Variants in LOC400499 observed in about 807,000 individuals in gnomAD.
At chr16:11,426,293 A>G in the LOC400499 span, among the ~76,000 whole-genome samples, 4 of 152,264 alleles carry the variant, frequency 2.6e-5, no homozygotes, top group South Asian at 2.1e-4. Flanking sequence ...AAAATTAGCC[A>G]GGTGTGGTGG....
At chr16:11,429,729 C>T in the LOC400499 span, among the ~76,000 whole-genome samples, 2 of 152,038 alleles carry the variant, frequency 1.3e-5, no homozygotes, top group African/African-American at 4.8e-5. Context: ...CCGCCTCAGC[C>T]TCCCAAAGTG....
At chr16:11,490,625 C>T in the LOC400499 span, among the ~76,000 whole-genome samples, 37 of 152,136 alleles carry the variant, frequency 2.4e-4, no homozygotes, top group African/African-American at 8.4e-4. Context: ...GGCATGAACC[C>T]GGGAGGCAGA....
the LOC400499 span, among the ~76,000 whole-genome samples, chr16:11,432,875 G>C: frequency 6.6e-6 from 1 of 152,222 alleles, no homozygotes; most frequent in Admixed American, 6.5e-5. Context: ...CTTCAGCTGA[G>C]CTCTAAATAA....
chr16:11,494,949 C>G, the LOC400499 span, among the ~76,000 whole-genome samples: 1 of 152,194 alleles, frequency 6.6e-6, no homozygotes, highest in African/African-American at 2.4e-5. Context: ...TGGCTCATGC[C>G]TGTAATCCCA....
chr16:11,428,085 G>A, the LOC400499 span, among the ~76,000 whole-genome samples: 465 of 152,310 alleles, frequency 3.1e-3, 5 homozygotes, highest in African/African-American at 0.011. Context: ...TCCAGACAGA[G>A]CAGCCCTGAG....
At chr16:11,477,559 A>G in the LOC400499 span, among the ~76,000 whole-genome samples, 1 of 152,220 alleles carries the variant, frequency 6.6e-6, no homozygotes, top group Non-Finnish European at 1.5e-5. Flanking sequence ...GGTGGGGTGG[A>G]TGGAAGGGCA....
chr16:11,512,055 G>A, the LOC400499 span, among the ~76,000 whole-genome samples: 3 of 151,992 alleles, frequency 2.0e-5, no homozygotes, highest in East Asian at 1.9e-4. Context: ...TTGGGAGGCC[G>A]AGGTGGGCGG....
chr16:11,434,577 T>A, the LOC400499 span, among the ~76,000 whole-genome samples: 1 of 152,196 alleles, frequency 6.6e-6, no homozygotes, highest in African/African-American at 2.4e-5. Flanking sequence ...AAAGACCCCC[T>A]GTTCCTGGCC....
the LOC400499 span, among the ~76,000 whole-genome samples, chr16:11,418,915 C>T: frequency 0.15 from 23,174 of 152,192 alleles, 2,338 homozygotes; most frequent in African/African-American, 0.29. Flanking sequence ...CCTGGAATCC[C>T]GGCACTTTGG....
chr16:11,499,063 GGGA>G, the LOC400499 span, among the ~76,000 whole-genome samples: 1 of 94,424 alleles, frequency 1.1e-5, no homozygotes, highest in African/African-American at 4.3e-5. Context: ...GAGGAAGGGG[GGGA>G]GGGGGGAAGG....
the LOC400499 span, chr16:11,385,208 C>A: frequency 1.6e-6 from 2 of 1,232,108 alleles, no homozygotes; most frequent in South Asian, 8.2e-5. Flanking sequence ...CTCTCCTGCT[C>A]ACCTGCAGAC....
the LOC400499 span, among the ~76,000 whole-genome samples, chr16:11,426,396 T>C: frequency 5.3e-5 from 8 of 152,072 alleles, no homozygotes; most frequent in East Asian, 1.9e-4. Context: ...TGAGCAGAGA[T>C]TGCACCACTG....
At chr16:11,513,839 T>C in the LOC400499 span, among the ~76,000 whole-genome samples, 1 of 152,154 alleles carries the variant, frequency 6.6e-6, no homozygotes, top group Non-Finnish European at 1.5e-5. Context: ...TGGCCCACAG[T>C]AAATCCTTCC....
chr16:11,390,959 C>T, the LOC400499 span, among the ~76,000 whole-genome samples: 2 of 152,186 alleles, frequency 1.3e-5, no homozygotes, highest in Non-Finnish European at 2.9e-5. Context: ...GGGCACTGGC[C>T]CTGGTTCTCC....
chr16:11,472,059 G>A, the LOC400499 span: 187 of 375,022 alleles, frequency 5.0e-4, no homozygotes, highest in African/African-American at 3.5e-3. Flanking sequence ...ATTATGGGAT[G>A]TTTCGCTGAA....
the LOC400499 span, chr16:11,516,372 AG>A: frequency 1.0e-4 from 40 of 398,778 alleles, no homozygotes; most frequent in East Asian, 1.2e-3. Flanking sequence ...GCAGACTGCC[AG>A]AGGCCACAGC....
chr16:11,504,557 C>T, the LOC400499 span, among the ~76,000 whole-genome samples: 10 of 150,990 alleles, frequency 6.6e-5, no homozygotes, highest in South Asian at 2.1e-4. Flanking sequence ...CTCCGTCCCC[C>T]CCCCCAAAAA....
chr16:11,473,754 T>C, the LOC400499 span, among the ~76,000 whole-genome samples: 1 of 91,618 alleles, frequency 1.1e-5, no homozygotes. Context: ...AAACTCTGTC[T>C]CAAAAAAAAA....
chr16:11,384,643 C>T, the LOC400499 span, among the ~76,000 whole-genome samples: 3 of 152,248 alleles, frequency 2.0e-5, no homozygotes, highest in South Asian at 4.1e-4. Flanking sequence ...GGGCCAACTC[C>T]ACACTGGAGC....
Sources: allele counts gnomAD v4.1 joint callset (sites outside exome capture counted in the v4.1 genomes callset), GRCh38; gene constraint gnomAD v4.1.1; transcripts MANE v1.5.